CAST: variants seen among roughly 807,000 people sequenced by gnomAD.
CAST encodes MIR583 host.
A neutral mutation model predicts 119.6 loss-of-function variants in CAST; 76 were observed. The ratio of observed to expected loss-of-function variants is 0.64; its 90% CI spans 0.53 to 0.77. CAST has a LOEUF of 0.77. Ranked by LOEUF, CAST falls within the 30% of genes least tolerant of loss-of-function variation. The pLI is 0.00. For synonymous variants in CAST, 319 were observed against 331.6 expected, an observed-to-expected ratio of 0.96 and a Z score of 0.41; for missense variants, 953 against 946.5, an observed-to-expected ratio of 1.01 and a Z score of -0.09.
At chr5:96,283,165 G>T in the CAST span, among the ~76,000 whole-genome samples, 1 of 143,168 alleles carries the variant, frequency 7.0e-6, no homozygotes, top group Non-Finnish European at 1.5e-5. Context: ...TTATTACAGG[G>T]TATAATCATT....
At chr5:96,377,985 A>G in the CAST span, among the ~76,000 whole-genome samples, 83 of 152,294 alleles carry the variant, frequency 5.4e-4, no homozygotes, top group Middle Eastern at 6.8e-3. Flanking sequence ...TAGCCTTACA[A>G]GAAGGCTATC....
chr5:96,065,339 A>C, the CAST span, among the ~76,000 whole-genome samples: 1 of 151,782 alleles, frequency 6.6e-6, no homozygotes, highest in African/African-American at 2.4e-5. Context: ...TTACTGGGGG[A>C]GGTACTCAAG....
At chr5:96,157,089 G>T in the CAST span, among the ~76,000 whole-genome samples, 4 of 152,172 alleles carry the variant, frequency 2.6e-5, no homozygotes, top group South Asian at 6.2e-4. Flanking sequence ...ACTGTCTTAG[G>T]TTTATTTTTT....
At chr5:96,158,970 T>C in the CAST span, among the ~76,000 whole-genome samples, 1 of 152,346 alleles carries the variant, frequency 6.6e-6, no homozygotes, top group South Asian at 2.1e-4. Flanking sequence ...ACTAGTGATA[T>C]TGCATTTTGT....
chr5:96,356,068 C>T, the CAST span, among the ~76,000 whole-genome samples: 3 of 152,014 alleles, frequency 2.0e-5, no homozygotes, highest in East Asian at 3.9e-4. Context: ...GTTTTTGATT[C>T]GCATTTCTTT....
At chr5:96,555,301 G>A (rs1331734711) in intron 1 of CAST, among the ~76,000 whole-genome samples, 5 of 152,164 alleles carry the variant, frequency 3.3e-5, no homozygotes, top group East Asian at 1.9e-4. Context: ...CAGCATGAGC[G>A]ACACAGAAGA....
intron 2 of CAST, among the ~76,000 whole-genome samples, chr5:96,676,770 G>A (rs1367057771): frequency 2.6e-5 from 4 of 151,442 alleles, no homozygotes; most frequent in Non-Finnish European, 5.9e-5. Flanking sequence ...TCTACCTAGT[G>A]TCAGCCAGGC....
At chr5:96,758,725 T>C (rs757438854) in intron 24 of CAST, among the ~76,000 whole-genome samples, 12 of 152,218 alleles carry the variant, frequency 7.9e-5, no homozygotes, top group Non-Finnish European at 1.6e-4. Flanking sequence ...TGTTATTCTC[T>C]GTACCCCTGT....
chr5:95,962,150 A>C, the CAST span: 3 of 322,778 alleles, frequency 9.3e-6, no homozygotes, highest in Non-Finnish European at 5.6e-6. Flanking sequence ...TCCCCTGCTA[A>C]TTGGAAGTCC....
At chr5:96,547,729 A>T (rs1746044855) in intron 1 of CAST, among the ~76,000 whole-genome samples, 1 of 152,212 alleles carries the variant, frequency 6.6e-6, no homozygotes, top group Non-Finnish European at 1.5e-5. Flanking sequence ...ATTCTCTGAG[A>T]TCCTTTGACT....
Position 96,634,059 on chromosome 5 carries a change from A to G in CAST, c.61-41480A>G, listed in dbSNP as rs186938760. On this transcript the variant is annotated intron_variant, in intron 1 of 11. Coordinates refer to the CAST transcript ENST00000505143. ...CTCTGGGTTCAGTCTAGCCTAGTAT[A>G]AATTCTTTGAGAAAAACCGAGTTTT... Among the ~76,000 whole-genome samples, 260 of 152,314 alleles carry G rather than the reference A, an allele frequency of 1.7e-3. 1 individual carries two copies. Among genetic ancestry groups the G allele is most frequent in the African/African-American group, 6.0e-3 (250 of 41,554 alleles).
intron 1 of CAST, among the ~76,000 whole-genome samples, chr5:96,648,848 C>G (rs1237502373): frequency 1.3e-5 from 2 of 152,074 alleles, no homozygotes; most frequent in Non-Finnish European, 2.9e-5. Flanking sequence ...GAGACGCCTA[C>G]TCAGTAAAGA....
At chr5:96,370,145 TA>T in the CAST span, among the ~76,000 whole-genome samples, 1 of 151,272 alleles carries the variant, frequency 6.6e-6, no homozygotes, top group African/African-American at 2.4e-5. Context: ...TTTTATAGTT[TA>T]TTATATATAA....
chr5:96,410,210 G>A, the CAST span, among the ~76,000 whole-genome samples: 8 of 152,206 alleles, frequency 5.3e-5, no homozygotes, highest in Admixed American at 2.0e-4. Flanking sequence ...GCAGGCAAGC[G>A]TGGGCTGGAG....
chr5:96,437,512 T>C, the CAST span, among the ~76,000 whole-genome samples: 1 of 152,218 alleles, frequency 6.6e-6, no homozygotes, highest in African/African-American at 2.4e-5. Flanking sequence ...TATTAAACTC[T>C]CAGTGCATAA....
chr5:96,449,309 G>A, the CAST span, among the ~76,000 whole-genome samples: 1 of 152,210 alleles, frequency 6.6e-6, no homozygotes, highest in African/African-American at 2.4e-5. Flanking sequence ...GGAACCAGGT[G>A]AGCTGCCAGT....
the CAST span, chr5:96,415,929 G>C: frequency 2.6e-6 from 2 of 770,298 alleles, no homozygotes; most frequent in Non-Finnish European, 4.7e-6. Flanking sequence ...GAACTAATTT[G>C]TTCCTCCAGT....
At chr5:96,178,339 CA>C in the CAST span, among the ~76,000 whole-genome samples, 5 of 152,134 alleles carry the variant, frequency 3.3e-5, no homozygotes, top group African/African-American at 7.2e-5. Flanking sequence ...TCTTGGCAGA[CA>C]AAAAGCCTTC....
At chr5:96,611,750 A>G (rs1378532410) in intron 1 of CAST, among the ~76,000 whole-genome samples, 2 of 152,124 alleles carry the variant, frequency 1.3e-5, no homozygotes, top group African/African-American at 4.8e-5. Flanking sequence ...AACTTAAATC[A>G]ACAAGAAAAA....
Sources: gnomAD v4.1 joint callset for allele counts (sites outside exome capture counted in the v4.1 genomes callset) on GRCh38, gnomAD v4.1.1 for gene constraint, MANE v1.5 for transcripts, NCBI Gene and HGNC (gene_info 2026-07-23, HGNC 2026-07-21) for gene names.